MPPED1: variants seen among roughly 807,000 people sequenced by gnomAD.
MPPED1 encodes metallophosphoesterase domain containing 1.
A neutral mutation model predicts 36.2 loss-of-function variants in MPPED1; 16 were observed. The observed-to-expected ratio is 0.44, with a 90% confidence interval of 0.30 to 0.67. MPPED1 has a LOEUF of 0.67. Ranked by LOEUF, MPPED1 falls within the 30% of genes least tolerant of loss-of-function variation. The pLI is 0.10. For synonymous variants in MPPED1, 199 were observed against 191.3 expected (o/e 1.04, Z -0.33); for missense variants, 307 against 453.4 (o/e 0.68, Z 2.93).
intron 3 of MPPED1, among the ~76,000 whole-genome samples, chr22:43,436,015 C>A (rs574438777): frequency 6.6e-6 from 1 of 152,338 alleles, no homozygotes; most frequent in East Asian, 1.9e-4. Flanking sequence ...CAGATGTGAG[C>A]AGCTGCTGGT....
intron 4 of MPPED1, among the ~76,000 whole-genome samples, chr22:43,493,966 A>G (rs2146908184): frequency 6.6e-6 from 1 of 152,322 alleles, no homozygotes; most frequent in Admixed American, 6.5e-5. Context: ...CTAGAAGCCT[A>G]GAGAGGCCTC....
chr22:43,486,551 A>T (rs543929994), intron 4 of MPPED1, among the ~76,000 whole-genome samples: 1 of 152,242 alleles, frequency 6.6e-6, no homozygotes, highest in African/African-American at 2.4e-5. Flanking sequence ...GCTCCTGTAG[A>T]GTAGAGACAG....
rs893994294 is a variant in MPPED1 at position 43,420,526 on chromosome 22, T to A, written c.-78-4382T>A. On this transcript the variant is annotated intron_variant, in intron 1 of 6. Transcript: ENST00000443721. ...TTCATGTGATTCTTCTACCTCACCCTCCCGAGTAGCTGGGATTACAGGCGC... is the reference window on the plus strand; with the variant it reads ...TTCATGTGATTCTTCTACCTCACCCACCCGAGTAGCTGGGATTACAGGCGC... Among the ~76,000 whole-genome samples, 5 of 151,936 alleles carry A rather than the reference T, an allele frequency of 3.3e-5. No individual in the cohort carries two copies. The South Asian group carries it at 1.0e-3, about 32-fold the overall frequency.
At chr22:43,456,046 G>C (rs573556314) in intron 3 of MPPED1, among the ~76,000 whole-genome samples, 124 of 152,274 alleles carry the variant, frequency 8.1e-4, no homozygotes, top group African/African-American at 2.8e-3. Context: ...GGCAACCTTT[G>C]GCTTCCTTGA....
At chr22:43,422,967 G>C (rs572987863) in intron 1 of MPPED1, among the ~76,000 whole-genome samples, 1 of 152,270 alleles carries the variant, frequency 6.6e-6, no homozygotes, top group Admixed American at 6.5e-5. Flanking sequence ...CTCTCAAGTA[G>C]CTGGGATTAC....
At chr22:43,500,305 T>G (rs907311237) in intron 5 of MPPED1, among the ~76,000 whole-genome samples, 2 of 82,760 alleles carry the variant, frequency 2.4e-5, no homozygotes, top group Non-Finnish European at 5.2e-5. Context: ...GTGGTGGTGA[T>G]GGTGATGGAG....
intron 4 of MPPED1, among the ~76,000 whole-genome samples, chr22:43,475,409 CA>C (rs1931511446): frequency 1.4e-5 from 1 of 71,984 alleles, no homozygotes; most frequent in East Asian, 3.6e-4. Context: ...CTGCTCCATA[CA>C]AAAAAAGATG....
At chr22:43,442,678 A>G (rs1303412088) in intron 3 of MPPED1, among the ~76,000 whole-genome samples, 2 of 152,078 alleles carry the variant, frequency 1.3e-5, no homozygotes, top group Non-Finnish European at 2.9e-5. Flanking sequence ...AGTGCAGGGC[A>G]CCAAGCACTG....
At chr22:43,429,888 G>T (rs1929613610) in intron 2 of MPPED1, among the ~76,000 whole-genome samples, 1 of 152,204 alleles carries the variant, frequency 6.6e-6, no homozygotes, top group Non-Finnish European at 1.5e-5. Flanking sequence ...TAGGAAGAGG[G>T]ACCAGCAAGA....
chr22:43,447,880 TATA>T (rs1207594198), intron 3 of MPPED1, among the ~76,000 whole-genome samples: 27 of 34,384 alleles, frequency 7.9e-4, no homozygotes, highest in East Asian at 3.8e-3. Flanking sequence ...TATATATATA[TATA>T]TTTTTTTTTT....
intron 3 of MPPED1, among the ~76,000 whole-genome samples, chr22:43,440,885 C>T (rs1266761596): frequency 2.0e-5 from 3 of 152,150 alleles, no homozygotes; most frequent in Non-Finnish European, 4.4e-5. Context: ...GCCACAGGCT[C>T]CATGTGGCCT....
At chr22:43,451,353 G>A (rs973358211) in intron 3 of MPPED1, among the ~76,000 whole-genome samples, 2 of 152,234 alleles carry the variant, frequency 1.3e-5, no homozygotes, top group Admixed American at 6.5e-5. Context: ...GAGGACTTCC[G>A]CTTTTTAAAA....
chr22:43,446,118 G>T (rs1007520922), intron 3 of MPPED1, among the ~76,000 whole-genome samples: 21 of 146,726 alleles, frequency 1.4e-4, no homozygotes, highest in Non-Finnish European at 2.4e-4. Flanking sequence ...CGATCTGCCT[G>T]CCTTGGCCTC....
chr22:43,498,166 C>T, intron 4 of MPPED1, 69 bp from the exon 5 acceptor site: 1 of 1,272,736 alleles, frequency 7.9e-7, no homozygotes, highest in Non-Finnish European at 1.1e-6. Flanking sequence ...CCGTGGGGAG[C>T]TCCGCATTCC....
At chr22:43,426,878 C>T (rs979477856) in intron 2 of MPPED1, among the ~76,000 whole-genome samples, 21 of 152,272 alleles carry the variant, frequency 1.4e-4, no homozygotes, top group East Asian at 5.8e-4. Flanking sequence ...GCCCGATTGG[C>T]GGGTTTGGGC....
At position 43,474,752 on chromosome 22, in the gene MPPED1, G is replaced by T; in HGVS notation, c.423G>T (p.Glu141Asp). The T allele has an allele frequency of 6.2e-7, 1 of 1,614,028 alleles. No individual in the cohort carries two copies. Among genetic ancestry groups the T allele is most frequent in the Non-Finnish European group, 8.5e-7 (1 of 1,179,892 alleles). ...FNEWLGSLPY[E>D]YKIVIAGNHE... ...CCCCTGCAGGCAGCCTGCCCTACGA[G>T]TACAAGATCGTGATCGCAGGCAACC... The change falls in exon 4 of 7, where the codon GAG becomes GAT. Residue 141 changes from glutamate (E) to aspartate (D), a missense_variant. Transcript: ENST00000443721. The surrounding 1 kb of genome is among the most constrained non-coding windows in gnomAD (Gnocchi z 5.2).
chr22:43,421,160 C>T (rs1929260000), intron 1 of MPPED1, among the ~76,000 whole-genome samples: 2 of 152,264 alleles, frequency 1.3e-5, no homozygotes, highest in South Asian at 4.1e-4. Context: ...TAAACGCTTC[C>T]TAGCTCAAAG....
At chr22:43,503,308 C>G (rs966492379) in intron 6 of MPPED1, among the ~76,000 whole-genome samples, 1 of 152,194 alleles carries the variant, frequency 6.6e-6, no homozygotes, top group Non-Finnish European at 1.5e-5. Context: ...CTCAGCCATC[C>G]TCACCTGAGC....
At chr22:43,493,833 C>T (rs1932175330) in intron 4 of MPPED1, among the ~76,000 whole-genome samples, 1 of 152,102 alleles carries the variant, frequency 6.6e-6, no homozygotes, top group Admixed American at 6.5e-5. Context: ...GAAGGTCGTC[C>T]CAGGGCAGCA....
Sources: gnomAD v4.1 joint callset for allele counts (sites outside exome capture counted in the v4.1 genomes callset) on GRCh38, gnomAD v4.1.1 for gene constraint, Gnocchi (gnomAD v3.1) non-coding constraint, MANE v1.5 for transcripts, NCBI Gene and HGNC (gene_info 2026-07-23, HGNC 2026-07-21) for gene names.